Variants in USP47 observed in about 807,000 individuals in gnomAD.
USP47 encodes the protein ubiquitin specific peptidase 47.
A neutral mutation model predicts 165.1 loss-of-function variants in USP47; 35 were observed. The ratio of observed to expected loss-of-function variants is 0.21; its 90% CI spans 0.16 to 0.28. The LOEUF (loss-of-function observed/expected upper bound fraction) is 0.28, where lower values mean the gene tolerates loss of function less well. USP47 is among the 10% of genes least tolerant of loss of function. USP47 has a pLI of 1.00. For missense variants in USP47, 1,277 were observed against 1,607.4 expected, an observed-to-expected ratio of 0.79 and a Z score of 3.52; for synonymous variants, 531 against 544.5, an observed-to-expected ratio of 0.98 and a Z score of 0.35.
chr11:11,954,957 G>T lies in USP47; in HGVS notation c.3762+13G>T, dbSNP rs1015941870. The T allele has an allele frequency of 6.2e-7, 1 of 1,613,884 alleles. No homozygotes were observed. Among genetic ancestry groups the T allele is most frequent in the Non-Finnish European group, 8.5e-7 (1 of 1,179,946 alleles). On this transcript the variant is annotated intron_variant, in intron 26 of 27. Coordinates refer to ENST00000527733, the MANE Select transcript of USP47 (RefSeq NM_001282659.2). ...TGAATTTGCTAAGGTAAAGCCCTGA[G>T]AATGTTGCATCTGTGTATTGTGCAT...
chr11:11,917,574 G>T (rs1853517382), intron 8 of USP47, among the ~76,000 whole-genome samples: 1 of 149,676 alleles, frequency 6.7e-6, no homozygotes, highest in African/African-American at 2.5e-5. Flanking sequence ...ACAGACTGTT[G>T]TGTGGGTGGG....
rs966575190 is a variant in USP47, at chr11:11,885,499, G to A, written c.357+919G>A. ...TGTATGACTCTGCCCAGGAAACCAC[G>A]CTACTTTCATGGATCTTTGCAACCC... On this transcript the variant is annotated intron_variant, in intron 3 of 27. Transcript: ENST00000527733. Among the ~76,000 whole-genome samples the A allele has an allele frequency of 5.3e-5, 8 of 152,082 alleles. No homozygotes were observed. The South Asian group carries it at 6.2e-4, about 12-fold the overall frequency.
At position 11,956,226 on chromosome 11, in the gene USP47, G is replaced by C. The variant is rs775201873; in HGVS notation, c.*51G>C. ...GGGGAGTTTTGGTTTTAATTAGATG[G>C]TTCACTACCACTGGGTAGTGCCATT... On this transcript the variant is annotated 3_prime_UTR_variant, in exon 28 of 28. Coordinates refer to ENST00000527733, the MANE Select transcript of USP47 (RefSeq NM_001282659.2). The C allele has an allele frequency of 1.2e-6, 2 of 1,601,602 alleles. No homozygotes were observed. The highest frequency in any genetic ancestry group is 1.7e-6 in the Non-Finnish European group (2 of 1,171,626).
At chr11:11,876,761 G>A (rs150397260) in intron 1 of USP47, among the ~76,000 whole-genome samples, 2 of 152,312 alleles carry the variant, frequency 1.3e-5, no homozygotes, top group African/African-American at 4.8e-5. Flanking sequence ...TTCTTACATG[G>A]TGGCTGGGTT....
intron 3 of USP47, among the ~76,000 whole-genome samples, chr11:11,889,697 A>G (rs1851388856): frequency 1.3e-5 from 2 of 152,214 alleles, no homozygotes; most frequent in African/African-American, 4.8e-5. Context: ...CATAATTAGA[A>G]AAATCTATTT....
chr11:11,901,047 C>T (rs1273240699), intron 5 of USP47, among the ~76,000 whole-genome samples: 3 of 152,044 alleles, frequency 2.0e-5, no homozygotes, highest in Non-Finnish European at 4.4e-5. Context: ...AGGATTAAAG[C>T]AGAAGTAAGG....
intron 14 of USP47, among the ~76,000 whole-genome samples, chr11:11,932,239 TG>T (rs1353948797): frequency 1.3e-5 from 2 of 152,116 alleles, no homozygotes; most frequent in African/African-American, 4.8e-5. Context: ...GAACTCAGTA[TG>T]GCAAAGAAAG....
intron 1 of USP47, among the ~76,000 whole-genome samples, chr11:11,875,039 G>A (rs755727884): frequency 0.091 from 7,183 of 78,504 alleles, 268 homozygotes; most frequent in African/African-American, 0.15. Flanking sequence ...CTTATTGTGT[G>A]TGTGTGTGTG....
At chr11:11,900,522 A>G (rs139971871) in intron 5 of USP47, among the ~76,000 whole-genome samples, 1 of 152,086 alleles carries the variant, frequency 6.6e-6, no homozygotes, top group Non-Finnish European at 1.5e-5. Context: ...GGAGTCATAT[A>G]CGTGATGGGT....
chr11:11,857,736 G>C (rs147260021), intron 1 of USP47, among the ~76,000 whole-genome samples: 1 of 152,180 alleles, frequency 6.6e-6, no homozygotes, highest in Non-Finnish European at 1.5e-5. Context: ...CCTTTTCTGC[G>C]TGGCAGATGG....
At chr11:11,855,013 T>G (rs1848952390) in intron 1 of USP47, among the ~76,000 whole-genome samples, 1 of 151,082 alleles carries the variant, frequency 6.6e-6, no homozygotes, top group South Asian at 2.1e-4. Context: ...GAGAATGGTG[T>G]GAACCCGGGA....
intron 5 of USP47, among the ~76,000 whole-genome samples, chr11:11,900,221 C>T (rs989981016): frequency 3.5e-5 from 5 of 142,408 alleles, no homozygotes; most frequent in Admixed American, 2.2e-4. Flanking sequence ...TGCAGTGGCG[C>T]GATCTCGGCT....
At chr11:11,939,292 CAAGTT>C (rs1855304991) in intron 18 of USP47, among the ~76,000 whole-genome samples, 1 of 151,902 alleles carries the variant, frequency 6.6e-6, no homozygotes, top group South Asian at 2.1e-4. Context: ...TCCATAATTA[CAAGTT>C]GAGTCCAGTT....
chr11:11,895,999 G>C (rs1468687722), intron 4 of USP47, among the ~76,000 whole-genome samples: 1 of 152,118 alleles, frequency 6.6e-6, no homozygotes, highest in Non-Finnish European at 1.5e-5. Flanking sequence ...TGTTGATTTA[G>C]ACAATGCATA....
chr11:11,942,335 G>T lies in USP47; in HGVS notation c.2314G>T (p.Val772Leu), dbSNP rs1329324637. 1 of 1,584,588 alleles carries T rather than the reference G, an allele frequency of 6.3e-7. No individual in the cohort carries two copies. Among genetic ancestry groups the T allele is most frequent in the Non-Finnish European group, 8.6e-7 (1 of 1,169,040 alleles). The change falls in exon 20 of 28, where the codon GTG becomes TTG. Residue 772 changes from valine (V) to leucine (L), a missense_variant and splice_region_variant. By Grantham distance (32) the Val-to-Leu change is conservative (BLOSUM62 1). Around this residue, in one of 4 missense-constraint regions of USP47, gnomAD observed 909 missense variants for 1,068.1 expected, o/e 0.85. Coordinates refer to ENST00000527733, the MANE Select transcript of USP47 (RefSeq NM_001282659.2). ...KAEGFFRSNK[V>L]FVESSETLDY... ...AATAAAACTCTGACTTACTATGTAG[G>T]TGTTTGTTGAAAGCTCCGAGACTTT...
intron 2 of USP47, among the ~76,000 whole-genome samples, chr11:11,882,980 T>C (rs973619721): frequency 3.9e-5 from 6 of 152,214 alleles, no homozygotes; most frequent in Non-Finnish European, 8.8e-5. Context: ...TTGCCTCCTG[T>C]ACATTTCTAC....
intron 13 of USP47, 24 bp downstream of exon 13, chr11:11,930,144 T>A (rs1854553885): frequency 6.3e-7 from 1 of 1,581,706 alleles, no homozygotes; most frequent in African/African-American, 1.3e-5. Context: ...TAATTTTCAG[T>A]GTTTAAAAGT....
At chr11:11,914,773 A>G (rs116814782) in intron 8 of USP47, among the ~76,000 whole-genome samples, 2,863 of 152,292 alleles carry the variant, frequency 0.019, 67 homozygotes, top group African/African-American at 0.055. Flanking sequence ...ATTGCTGGCT[A>G]TTAGGGAAAT....
chr11:11,913,338 A>G (rs1362715334), intron 8 of USP47, among the ~76,000 whole-genome samples: 1 of 151,836 alleles, frequency 6.6e-6, no homozygotes, highest in East Asian at 1.9e-4. Context: ...CATAAAAAAT[A>G]AATTGTATTT....
Sources: gnomAD v4.1 joint callset for allele counts (sites outside exome capture counted in the v4.1 genomes callset) on GRCh38, gnomAD v4.1.1 for gene constraint, gnomAD v4.1.1 regional missense constraint, MANE v1.5 for transcripts, NCBI Gene and HGNC (gene_info 2026-07-23, HGNC 2026-07-21) for gene names.